Variants in HDAC9 observed in about 807,000 individuals in gnomAD.
The protein encoded by HDAC9 is histone deacetylase 9.
A neutral mutation model predicts 139.4 loss-of-function variants in HDAC9; 41 were observed. The observed-to-expected ratio is 0.29, with a 90% CI of 0.23 to 0.38. HDAC9 has a LOEUF of 0.38. Ranked by LOEUF, HDAC9 falls within the 10% of genes least tolerant of loss-of-function variation. The probability of loss-of-function intolerance (pLI) is 1.00; values close to 1 mark genes in which losing one functional copy is unlikely to be tolerated. For synonymous variants in HDAC9, 517 were observed against 476.2 expected, an observed-to-expected ratio of 1.09 and a Z score of -1.12; for missense variants, 1,147 against 1,297.0, an observed-to-expected ratio of 0.88 and a Z score of 1.78.
intron 7 of HDAC9, among the ~76,000 whole-genome samples, chr7:18,630,530 G>A (rs1005284747): frequency 2.0e-5 from 3 of 151,996 alleles, no homozygotes; most frequent in Non-Finnish European, 2.9e-5. Flanking sequence ...ATAATTTTTG[G>A]AAAATAATAT....
chr7:18,837,716 C>T (rs945656887), intron 21 of HDAC9, among the ~76,000 whole-genome samples: 4 of 151,990 alleles, frequency 2.6e-5, no homozygotes, highest in African/African-American at 7.2e-5. Flanking sequence ...CCTTTGTTTT[C>T]CCATCACAAA....
At chr7:18,676,487 A>G (rs1200838666) in intron 12 of HDAC9, among the ~76,000 whole-genome samples, 1 of 152,002 alleles carries the variant, frequency 6.6e-6, no homozygotes, top group Non-Finnish European at 1.5e-5. Context: ...TTCTTTTAAC[A>G]TGGTGAAGAA....
intron 21 of HDAC9, among the ~76,000 whole-genome samples, chr7:18,838,039 T>C (rs939052891): frequency 2.0e-5 from 3 of 152,050 alleles, no homozygotes; most frequent in African/African-American, 2.4e-5. Context: ...CATATTTATT[T>C]AAGAACCAGA....
At chr7:18,099,380 A>G (rs1239758667) in intron 1 of HDAC9, among the ~76,000 whole-genome samples, 1 of 152,096 alleles carries the variant, frequency 6.6e-6, no homozygotes, top group Admixed American at 6.5e-5. Context: ...AGGCAGGAGA[A>G]TCGTTTGGAC....
intron 1 of HDAC9, among the ~76,000 whole-genome samples, chr7:18,386,347 TG>T (rs1785929583): frequency 6.6e-6 from 1 of 152,200 alleles, no homozygotes; most frequent in African/African-American, 2.4e-5. Context: ...TCACCTCACT[TG>T]GTTTGTATTT....
chr7:18,486,346 G>T (rs1207946363), intron 1 of HDAC9, among the ~76,000 whole-genome samples: 2 of 152,076 alleles, frequency 1.3e-5, no homozygotes, highest in African/African-American at 4.8e-5. Flanking sequence ...ACATTTTCCA[G>T]AATATATCTC....
At chr7:18,511,155 A>T (rs1476737012) in intron 2 of HDAC9, among the ~76,000 whole-genome samples, 3 of 152,222 alleles carry the variant, frequency 2.0e-5, no homozygotes, top group Non-Finnish European at 4.4e-5. Flanking sequence ...AAAGATGAAC[A>T]TAAAAATATT....
chr7:18,576,554 C>T (rs1414103841), intron 2 of HDAC9, among the ~76,000 whole-genome samples: 13 of 150,696 alleles, frequency 8.6e-5, no homozygotes, highest in Admixed American at 3.3e-4. Context: ...CCCAGCTACT[C>T]GGGAGGCTGA....
chr7:18,307,035 CTTATG>C (rs1798958382), intron 1 of HDAC9, among the ~76,000 whole-genome samples: 1 of 148,664 alleles, frequency 6.7e-6, no homozygotes, highest in Admixed American at 6.7e-5. Flanking sequence ...TTAATTTTTT[CTTATG>C]TTATTAAATT....
In HDAC9 at chr7:18,340,154, C is replaced by T. The variant is rs192282948; in HGVS notation, c.-42+49639C>T. On this transcript the variant is annotated intron_variant, in intron 1 of 3. Transcript: ENST00000413509. ...TACCATTATGAAATGATATTTATCTCCAATAATATTCTTTGCTTTGCAAAC... is the reference window on the plus strand; with the variant it reads ...TACCATTATGAAATGATATTTATCTTCAATAATATTCTTTGCTTTGCAAAC... Among the ~76,000 whole-genome samples, 929 of 151,538 alleles carry T rather than the reference C, an allele frequency of 6.1e-3. 6 individuals carry two copies. The highest frequency in any genetic ancestry group is 8.4e-3 in the Non-Finnish European group (571 of 67,588).
intron 8 of HDAC9, among the ~76,000 whole-genome samples, chr7:18,638,888 C>G (rs965339974): frequency 6.6e-6 from 1 of 151,996 alleles, no homozygotes; most frequent in Non-Finnish European, 1.5e-5. Context: ...ATTTCCAACT[C>G]CAGTCAAGGA....
chr7:18,679,611 C>T (rs778711043), intron 12 of HDAC9, among the ~76,000 whole-genome samples: 16 of 149,174 alleles, frequency 1.1e-4, no homozygotes, highest in Non-Finnish European at 2.2e-4. Flanking sequence ...CTTTCTTTCT[C>T]TCTCTTTCCT....
At chr7:18,945,821 G>A (rs1272980946) in intron 23 of HDAC9, among the ~76,000 whole-genome samples, 5 of 151,532 alleles carry the variant, frequency 3.3e-5, no homozygotes, top group Non-Finnish European at 5.9e-5. Context: ...GGCGAATCAC[G>A]AGGTCAGAAG....
intron 2 of HDAC9, among the ~76,000 whole-genome samples, chr7:18,230,437 C>T (rs781516585): frequency 3.3e-5 from 5 of 152,140 alleles, no homozygotes; most frequent in African/African-American, 7.2e-5. Context: ...TGTCAAAGAC[C>T]GTATTCACCA....
At chr7:18,773,603 A>G (rs998363512) in intron 16 of HDAC9, among the ~76,000 whole-genome samples, 2 of 152,060 alleles carry the variant, frequency 1.3e-5, no homozygotes, top group African/African-American at 4.8e-5. Flanking sequence ...AGTAAAACAT[A>G]CTTGAATAGA....
At chr7:18,360,888 G>A (rs976868826) in intron 1 of HDAC9, among the ~76,000 whole-genome samples, 2 of 152,096 alleles carry the variant, frequency 1.3e-5, no homozygotes, top group African/African-American at 4.8e-5. Flanking sequence ...TGATCAATGG[G>A]TAAATTAATT....
At chr7:18,527,865 GT>G (rs982448266) in intron 2 of HDAC9, among the ~76,000 whole-genome samples, 4 of 152,172 alleles carry the variant, frequency 2.6e-5, no homozygotes, top group African/African-American at 9.6e-5. Flanking sequence ...ACAGTTTACA[GT>G]TTACAGTTCT....
At chr7:18,517,719 C>T (rs149853855) in intron 2 of HDAC9, 20 of 152,238 alleles carry the variant, frequency 1.3e-4, no homozygotes, top group Non-Finnish European at 2.8e-4. Context: ...AAAGAAGAGG[C>T]CTTTACTCCT....
At chr7:18,750,731 T>G (rs902289661) in intron 14 of HDAC9, among the ~76,000 whole-genome samples, 4 of 152,094 alleles carry the variant, frequency 2.6e-5, no homozygotes, top group Non-Finnish European at 5.9e-5. Flanking sequence ...CCATATGGAG[T>G]CCATAAAGTA....
Sources: allele counts gnomAD v4.1 joint callset (sites outside exome capture counted in the v4.1 genomes callset), GRCh38; gene constraint gnomAD v4.1.1; transcripts MANE v1.5; gene names NCBI Gene and HGNC (gene_info 2026-07-23, HGNC 2026-07-21).